The following AKAP6 variants were observed in gnomAD, a reference collection of about 807,000 sequenced individuals.
AKAP6 encodes A-kinase anchoring protein 6, also known as A-kinase anchor protein 6.
In AKAP6, 58 loss-of-function variants were observed where a neutral mutation model predicts 188.5. The observed-to-expected ratio is 0.31, with a 90% confidence interval of 0.25 to 0.38. AKAP6 has a LOEUF of 0.38. Among genes scored for constraint, AKAP6 ranks in the 10% least tolerant of loss-of-function variants. The pLI, the probability that AKAP6 is intolerant of heterozygous loss-of-function variation, is 1.00. For synonymous variants in AKAP6, 989 were observed against 998.6 expected (o/e 0.99, Z 0.18); for missense variants, 2,710 against 2,740.0 (o/e 0.99, Z 0.24).
At position 32,535,821 on chromosome 14, in the gene AKAP6, G is replaced by A. The variant is rs1566561187; in HGVS notation, c.576+16G>A. On this transcript the variant is annotated intron_variant, in intron 3 of 13. Transcript: ENST00000280979. ...GACAAAAGAGGTGAGTGTTTTCCTTGAAGTTAAGCAATGCATTTCCAGGTA... is the reference window on the plus strand; with the variant it reads ...GACAAAAGAGGTGAGTGTTTTCCTTAAAGTTAAGCAATGCATTTCCAGGTA... The A allele has an allele frequency of 3.8e-6, 6 of 1,599,032 alleles. No homozygotes were observed. Among genetic ancestry groups the A allele is most frequent in the African/African-American group, 1.3e-5 (1 of 74,778 alleles).
At chr14:32,632,437 T>C (rs558571959) in intron 7 of AKAP6, among the ~76,000 whole-genome samples, 2 of 152,230 alleles carry the variant, frequency 1.3e-5, no homozygotes, top group Admixed American at 1.3e-4. Context: ...GAACTTGGGC[T>C]TCTCCTATAA....
chr14:32,563,490 T>TTG (rs1884042473), intron 4 of AKAP6, among the ~76,000 whole-genome samples: 1 of 151,738 alleles, frequency 6.6e-6, no homozygotes, highest in African/African-American at 2.4e-5. Context: ...ATTAGTACTG[T>TTG]GGGGGGGGAA....
At chr14:32,444,736 C>T in intron 2 of AKAP6, among the ~76,000 whole-genome samples, 1 of 214 alleles carries the variant, frequency 4.7e-3, no homozygotes, top group East Asian at 0.071. Flanking sequence ...TGAAGAAGGT[C>T]TTCAGTGTGC....
chr14:32,615,850 T>G lies in AKAP6; in HGVS notation c.2730+15058T>G, dbSNP rs189477776. ...ACCTCATGATCCGCCCACCTCGGCC[T>G]CCCAAAGTGCTGGGATTACAGGCGT... On this transcript the variant is annotated intron_variant, in intron 7 of 13. Transcript: ENST00000280979. Among the ~76,000 whole-genome samples, 179 of 152,238 alleles carry G rather than the reference T, an allele frequency of 1.2e-3. 1 individual carries two copies. Among genetic ancestry groups the G allele is most frequent in the African/African-American group, 4.1e-3 (172 of 41,528 alleles).
At position 32,824,179 on chromosome 14, in the gene AKAP6, T is replaced by A; in HGVS notation, c.6366T>A (p.Cys2122Ter). ...YLSLSSHDSD[C>*]GEVTNYIEEK... is the part of the protein sequence containing the mutation. ...CTCTCTCATCTCATGACAGTGATTG[T>A]GGGGAGGTCACCAATTACATAGAAG... Residue 2122 changes from cysteine to a stop codon, truncating the protein, a stop_gained, in exon 13 of 14, where the codon TGT becomes TGA. Transcript: ENST00000280979. LOFTEE classifies it high-confidence loss of function. 1.9e-6 allele frequency: 3 copies of A among 1,613,950 alleles called. No homozygotes were observed. The highest frequency in any genetic ancestry group is 2.5e-6 in the Non-Finnish European group (3 of 1,179,918).
At chr14:32,480,868 T>A (rs898250374) in intron 2 of AKAP6, among the ~76,000 whole-genome samples, 1 of 152,186 alleles carries the variant, frequency 6.6e-6, no homozygotes, top group African/African-American at 2.4e-5. Flanking sequence ...AACACACAAT[T>A]CATATTTACA....
intron 11 of AKAP6, among the ~76,000 whole-genome samples, chr14:32,754,341 A>C (rs1325509347): frequency 2.6e-5 from 4 of 152,150 alleles, no homozygotes; most frequent in Non-Finnish European, 4.4e-5. Context: ...TGGAGTATGC[A>C]ACTGATGTTA....
At chr14:32,767,356 T>A (rs1207740528) in intron 11 of AKAP6, among the ~76,000 whole-genome samples, 1 of 152,158 alleles carries the variant, frequency 6.6e-6, no homozygotes, top group Non-Finnish European at 1.5e-5. Context: ...CATATCACCC[T>A]GTTTTATTTG....
In AKAP6 at chr14:32,836,611, G is replaced by A. The variant is rs537206491; in HGVS notation, c.*6806G>A. On this transcript the variant is annotated 3_prime_UTR_variant, in exon 14 of 14. Transcript: ENST00000280979. ...TCTTAAGGCAGCAGATTGGAGTGAC[G>A]TTACTTTAAGGGTAACTTTGAAGCC... The A allele has an allele frequency of 7.9e-5, 12 of 152,150 alleles. 1 individual carries two copies. Among genetic ancestry groups the A allele is most frequent in the Middle Eastern group, 3.4e-3 (1 of 294 alleles). 9.4% of individuals were successfully genotyped at this position (152,150 alleles called of 1,614,324 possible). A position where few individuals can be genotyped will look rare whatever the true frequency, so the allele number is the denominator to read the frequency against.
chr14:32,434,076 AGT>A, intron 2 of AKAP6: 1 of 417,490 alleles, frequency 2.4e-6, no homozygotes, highest in East Asian at 3.8e-5. Context: ...ATTTTTGTGC[AGT>A]GTTATCAAAA....
intron 1 of AKAP6, among the ~76,000 whole-genome samples, chr14:32,340,691 A>T (rs1301806891): frequency 6.6e-6 from 1 of 152,232 alleles, no homozygotes; most frequent in African/African-American, 2.4e-5. Context: ...ACAAAATACC[A>T]TAAACTGGGT....
chr14:32,405,512 T>G (rs1889259032), intron 1 of AKAP6, among the ~76,000 whole-genome samples: 1 of 152,352 alleles, frequency 6.6e-6, no homozygotes, highest in African/African-American at 2.4e-5. Flanking sequence ...AATTTTCATT[T>G]ACCAAACAAA....
intron 9 of AKAP6, among the ~76,000 whole-genome samples, chr14:32,699,468 T>C (rs1167946957): frequency 1.3e-5 from 2 of 152,242 alleles, no homozygotes; most frequent in African/African-American, 4.8e-5. Context: ...CTATTTGAAC[T>C]ATTTCTTGTT....
At chr14:32,646,478 G>A (rs1178145556) in intron 7 of AKAP6, among the ~76,000 whole-genome samples, 1 of 152,204 alleles carries the variant, frequency 6.6e-6, no homozygotes, top group African/African-American at 2.4e-5. Flanking sequence ...TCTACCATAA[G>A]CGTTATATCA....
chr14:32,367,547 A>C (rs1887874388), intron 1 of AKAP6, among the ~76,000 whole-genome samples: 1 of 152,244 alleles, frequency 6.6e-6, no homozygotes, highest in South Asian at 2.1e-4. Context: ...TACTGATTTC[A>C]ATATCTATTT....
chr14:32,544,618 C>T (rs1594728393), intron 3 of AKAP6, among the ~76,000 whole-genome samples: 1 of 152,134 alleles, frequency 6.6e-6, no homozygotes, highest in Admixed American at 6.6e-5. Context: ...AAAGTTTGGA[C>T]ATTCATTAAT....
Position 32,821,905 on chromosome 14 carries a change from T to A in AKAP6, c.4092T>A (p.Ser1364Arg). 6.2e-7 allele frequency: 1 copy of A among 1,613,570 alleles called. No individual in the cohort carries two copies. Among genetic ancestry groups the A allele is most frequent in the Non-Finnish European group, 8.5e-7 (1 of 1,179,868 alleles). The stretch of plus-strand genomic sequence containing the variant: ...TGAGCCAGAATTCAGGCAGTGAGAG[T>A]GGAATTGTCAGTGAAGGAGACACAG... The part of the protein sequence containing the change: ...GDMSQNSGSE[S>R]GIVSEGDTET... The change falls in exon 13 of 14, where the codon AGT becomes AGA. Residue 1364 changes from serine to arginine, a missense_variant. Ser to Arg is a moderately radical substitution (Grantham distance 110). Coordinates refer to ENST00000280979, the MANE Select transcript of AKAP6 (RefSeq NM_004274.5).
chr14:32,638,636 T>C (rs1887620784), intron 7 of AKAP6, among the ~76,000 whole-genome samples: 1 of 152,078 alleles, frequency 6.6e-6, no homozygotes, highest in South Asian at 2.1e-4. Flanking sequence ...CGCTTTTCTT[T>C]CTTTTTTTCT....
At chr14:32,431,887 A>C (rs1181825405) in intron 1 of AKAP6, among the ~76,000 whole-genome samples, 1 of 152,210 alleles carries the variant, frequency 6.6e-6, no homozygotes, top group African/African-American at 2.4e-5. Flanking sequence ...AGTATTGGAA[A>C]GATTCTGAAA....
Sources: gnomAD v4.1 joint callset for allele counts (sites outside exome capture counted in the v4.1 genomes callset) on GRCh38, gnomAD v4.1.1 for gene constraint, MANE v1.5 for transcripts, NCBI Gene and HGNC (gene_info 2026-07-23, HGNC 2026-07-21) for gene names.